ZNF354A: variants seen among roughly 807,000 people sequenced by gnomAD.
ZNF354A encodes zinc finger protein 354A.
ZNF354A carries 25 observed loss-of-function variants against 53.3 expected under a neutral mutation model. The observed-to-expected ratio is 0.47, with a 90% CI of 0.34 to 0.66. The LOEUF (loss-of-function observed/expected upper bound fraction) is 0.66, where lower values mean the gene tolerates loss of function less well. Among genes scored for constraint, ZNF354A ranks in the 30% least tolerant of loss-of-function variants. ZNF354A has a pLI of 0.01. For missense variants in ZNF354A, 586 were observed against 716.8 expected (o/e 0.82, Z 2.08); for synonymous variants, 228 against 249.0 (o/e 0.92, Z 0.79).
Position 178,712,009 on chromosome 5 carries a change from T to G in ZNF354A, c.*51A>C. 6.6e-7 allele frequency: 1 copy of G among 1,519,694 alleles called. No individual in the cohort carries two copies. Among genetic ancestry groups the G allele is most frequent in the East Asian group, 2.3e-5 (1 of 44,082 alleles). 94.1% of individuals were successfully genotyped at this position (1,519,694 alleles called of 1,614,324 possible). A position where few individuals can be genotyped will look rare whatever the true frequency, so the allele number is the denominator to read the frequency against. Reference sequence around the variant, plus strand: ...ATTTATTACATCTCTCTCAAGGATGTATTCTTCGATGAGCTTTGGTTTAAG... The same window carrying G: ...ATTTATTACATCTCTCTCAAGGATGGATTCTTCGATGAGCTTTGGTTTAAG... On this transcript the variant is annotated 3_prime_UTR_variant, in exon 5 of 5. Transcript: ENST00000335815.
chr5:178,725,518 T>A, intron 3 of ZNF354A, 47 bp from the exon 4 acceptor site: 4 of 1,580,940 alleles, frequency 2.5e-6, no homozygotes, highest in Non-Finnish European at 3.5e-6. Context: ...GACTTGGTTT[T>A]GTATTGATAC....
chr5:178,727,788 CAAGAT>C (rs891870578), intron 2 of ZNF354A, among the ~76,000 whole-genome samples: 9 of 152,078 alleles, frequency 5.9e-5, no homozygotes, highest in African/African-American at 1.9e-4. Flanking sequence ...AAGTCACAGA[CAAGAT>C]AAGAAATTTG....
intron 4 of ZNF354A, among the ~76,000 whole-genome samples, chr5:178,720,416 G>A (rs537814738): frequency 3.3e-5 from 5 of 152,270 alleles, no homozygotes; most frequent in East Asian, 1.9e-4. Context: ...TGCTGTCCCC[G>A]TAAACTGGGG....
At chr5:178,718,290 A>C (rs1765750179) in intron 4 of ZNF354A, among the ~76,000 whole-genome samples, 1 of 152,228 alleles carries the variant, frequency 6.6e-6, no homozygotes, top group Admixed American at 6.5e-5. Context: ...CCTAGAATCA[A>C]GCCCAGTCCT....
chr5:178,711,983 CATTT>C lies in ZNF354A; in HGVS notation c.*73_*76del, dbSNP rs905341577. ...ATTACAGTTTTTTTCACATCCATTA[CATTT>C]ATTACATCTCTCTCAAGGATGTATT... On this transcript the variant is annotated 3_prime_UTR_variant, in exon 5 of 5. Transcript: ENST00000335815. The C allele has an allele frequency of 5.4e-6, 8 of 1,486,198 alleles. No individual in the cohort carries two copies. In the African/African-American group the frequency reaches 1.1e-4, roughly 21 times the overall value. The allele number at this position is 1,486,198 out of a possible 1,614,324, so 92.1% of individuals were successfully genotyped here.
chr5:178,713,569 T>G lies in ZNF354A; in HGVS notation c.309A>C (p.Ser103=). ...ATCTTTTCAGTATCAGTCCCTGAAA[T>G]GAAGAGTCTTGTGTTTGCGTTGACT... ...TTKSTQTQDS[S]FQGLILKRSN... is the part of the protein sequence containing the mutation. The change falls in exon 5 of 5, where the codon TCA becomes TCC. Residue 103 remains serine, a synonymous_variant. Transcript: ENST00000335815. The G allele has an allele frequency of 6.2e-7, 1 of 1,601,724 alleles. No individual in the cohort carries two copies. Among genetic ancestry groups the G allele is most frequent in the South Asian group, 1.1e-5 (1 of 89,162 alleles).
At chr5:178,720,550 T>C (rs1366448800) in intron 4 of ZNF354A, among the ~76,000 whole-genome samples, 1 of 152,134 alleles carries the variant, frequency 6.6e-6, no homozygotes, top group African/African-American at 2.4e-5. Flanking sequence ...AAGTTGGCCA[T>C]CGCTACAAGC....
chr5:178,726,443 G>A (rs1018426965), intron 3 of ZNF354A, among the ~76,000 whole-genome samples: 5 of 151,704 alleles, frequency 3.3e-5, no homozygotes, highest in South Asian at 2.1e-4. Flanking sequence ...GACTACAGGC[G>A]CCCGGCATCA....
At chr5:178,723,021 C>A (rs1014516528) in intron 4 of ZNF354A, among the ~76,000 whole-genome samples, 1 of 152,210 alleles carries the variant, frequency 6.6e-6, no homozygotes, top group Non-Finnish European at 1.5e-5. Flanking sequence ...CCCCATGACA[C>A]ACTGCAGGGC....
chr5:178,720,935 A>C (rs1461115736), intron 4 of ZNF354A, among the ~76,000 whole-genome samples: 2 of 152,234 alleles, frequency 1.3e-5, no homozygotes, highest in African/African-American at 4.8e-5. Flanking sequence ...TAAGCCACCA[A>C]CCTGGAACAC....
intron 3 of ZNF354A, among the ~76,000 whole-genome samples, chr5:178,726,481 T>C (rs758199292): frequency 3.3e-5 from 5 of 151,326 alleles, no homozygotes; most frequent in African/African-American, 7.3e-5. Flanking sequence ...TTGTGTTTTT[T>C]AGTAGAGACA....
chr5:178,713,338 A>T lies in ZNF354A; in HGVS notation c.540T>A (p.Leu180=). The T allele has an allele frequency of 6.2e-7, 1 of 1,614,068 alleles. No individual in the cohort carries two copies. The highest frequency in any genetic ancestry group is 1.1e-5 in the South Asian group (1 of 91,080). The change falls in exon 5 of 5, where the codon CTT becomes CTA. Residue 180 remains leucine (L), a synonymous_variant. Transcript: ENST00000335815. ...PKSVLIRQQI[L]PREKTPPKCE... ...ATTTTGGTGGTGTTTTTTCTCTGGG[A>T]AGTATCTGTTGCCTAATAAGCACTG...
intron 4 of ZNF354A, among the ~76,000 whole-genome samples, chr5:178,718,899 A>T (rs1305210323): frequency 1.3e-5 from 2 of 152,054 alleles, no homozygotes; most frequent in Non-Finnish European, 2.9e-5. Flanking sequence ...AGCTTGGCTA[A>T]TATTTTTATC....
chr5:178,727,048 G>C lies in ZNF354A; in HGVS notation c.111C>G (p.Asn37Lys), dbSNP rs767021897. ...EWRKLAPSQR[N>K]LYRDVMLENY... ...TCTCCAGCATCACATCCCGGTACAAGTTTCTCTGAGAAGGGGCCAGCTTTC... is the reference window on the plus strand; with the variant it reads ...TCTCCAGCATCACATCCCGGTACAACTTTCTCTGAGAAGGGGCCAGCTTTC... The change falls in exon 3 of 5, where the codon AAC becomes AAG. Residue 37 changes from asparagine (N) to lysine (K), a missense_variant. Asn to Lys is a moderately conservative substitution (Grantham distance 94). Coordinates refer to ENST00000335815, the MANE Select transcript of ZNF354A (RefSeq NM_005649.3). The C allele has an allele frequency of 5.6e-6, 9 of 1,613,892 alleles. No individual in the cohort carries two copies. The Admixed American group carries it at 1.0e-4, about 18-fold the overall frequency.
At position 178,712,109 on chromosome 5, in the gene ZNF354A, C is replaced by G; in HGVS notation, c.1769G>C (p.Arg590Thr). The change falls in exon 5 of 5, where the codon AGG becomes ACG. Residue 590 changes from arginine (R) to threonine (T), a missense_variant. Arg to Thr is a moderately conservative substitution (Grantham distance 71). Around this residue, in one of 2 missense-constraint regions of ZNF354A, gnomAD observed 573 missense variants for 680.1 expected, o/e 0.84. Transcript: ENST00000335815. ...CNTCGKLFNH[R>T]SSLTNHYKIH... The stretch of plus-strand genomic sequence containing the variant: ...TTTATAATGATTAGTAAGGGATGAC[C>G]TATGGTTGAAAAGTTTCCCACATGT... 2 of 1,612,716 alleles carry G rather than the reference C, an allele frequency of 1.2e-6. No individual in the cohort carries two copies. Among genetic ancestry groups the G allele is most frequent in the Non-Finnish European group, 1.7e-6 (2 of 1,179,152 alleles).
intron 4 of ZNF354A, among the ~76,000 whole-genome samples, chr5:178,725,131 G>T (rs1030176267): frequency 1.9e-4 from 29 of 152,144 alleles, no homozygotes; most frequent in African/African-American, 6.3e-4. Flanking sequence ...TCCTTAAATA[G>T]ACTATGTTTG....
At chr5:178,725,817 G>A (rs1765893584) in intron 3 of ZNF354A, among the ~76,000 whole-genome samples, 1 of 152,180 alleles carries the variant, frequency 6.6e-6, no homozygotes, top group Admixed American at 6.5e-5. Context: ...TATGTACCAG[G>A]TAGCTTGTCT....
chr5:178,729,872 G>GCTTCTTTTTTTTTTTTTTTTTT (rs746292908), intron 1 of ZNF354A, among the ~76,000 whole-genome samples: 1 of 143,336 alleles, frequency 7.0e-6, no homozygotes. Flanking sequence ...CTAACACGAT[G>GCTTCTTTTTTTTTTTTTTTTTT]TTTCTTTTTT....
Position 178,712,452 on chromosome 5 carries a change from T to C in ZNF354A, c.1426A>G (p.Arg476Gly). ...CKCKVCGKAFRQSSALIQHQR... is the reference protein window; with the variant it reads ...CKCKVCGKAFGQSSALIQHQR... ...TGTTGAATGAGAGCTGAACTCTGTC[T>C]GAAGGCTTTTCCACATACTTTACAT... Residue 476 changes from arginine (R) to glycine (G), a missense_variant, in exon 5 of 5, where the codon AGA becomes GGA. Physicochemically the swap from Arg to Gly is moderately radical, Grantham distance 125 (BLOSUM62 -2). Around this residue, in one of 2 missense-constraint regions of ZNF354A, gnomAD observed 573 missense variants for 680.1 expected, o/e 0.84. Transcript: ENST00000335815. 1 of 1,614,038 alleles carries C rather than the reference T, an allele frequency of 6.2e-7. No individual in the cohort carries two copies. The highest frequency in any genetic ancestry group is 1.3e-5 in the African/African-American group (1 of 75,056).
Sources: allele counts gnomAD v4.1 joint callset (sites outside exome capture counted in the v4.1 genomes callset), GRCh38; gene constraint gnomAD v4.1.1; regional missense constraint gnomAD v4.1.1; transcripts MANE v1.5; gene names NCBI Gene and HGNC (gene_info 2026-07-23, HGNC 2026-07-21).